Variants in CCDC40 observed in about 807,000 individuals in gnomAD.
The protein encoded by CCDC40 is coiled-coil domain 40 molecular ruler complex subunit.
A neutral mutation model predicts 124.5 loss-of-function variants in CCDC40; 104 were observed. The ratio of observed to expected loss-of-function variants is 0.84; its 90% CI spans 0.71 to 0.98. The LOEUF (loss-of-function observed/expected upper bound fraction) is 0.98. Ranked by LOEUF, CCDC40 falls within the 50% of genes least tolerant of loss-of-function variation. The pLI, the probability that CCDC40 is intolerant of heterozygous loss-of-function variation, is 0.00. For missense variants in CCDC40, 1,463 were observed against 1,503.9 expected (o/e 0.97, Z 0.45); for synonymous variants, 580 against 602.9 (o/e 0.96, Z 0.56).
chr17:80,090,726 G>A, intron 17 of CCDC40: 1 of 1,405,410 alleles, frequency 7.1e-7, no homozygotes, highest in Non-Finnish European at 9.2e-7. Flanking sequence ...TAATTAAATT[G>A]CAAGTGGTCA....
In CCDC40 at chr17:80,048,569, G is replaced by C; in HGVS notation, c.677-14G>C. 1 of 1,609,996 alleles carries C rather than the reference G, an allele frequency of 6.2e-7. No individual in the cohort carries two copies. Among genetic ancestry groups the C allele is most frequent in the Non-Finnish European group, 8.5e-7 (1 of 1,177,252 alleles). On this transcript the variant is annotated splice_polypyrimidine_tract_variant and intron_variant, in intron 4 of 19. Coordinates refer to ENST00000397545, the MANE Select transcript of CCDC40 (RefSeq NM_017950.4). ...CCAGCAGCTCCTCAATGGTGTCGCTGTCTCTCCCCCCAGTGATCCCCCCAG... is the reference window on the plus strand; with the variant it reads ...CCAGCAGCTCCTCAATGGTGTCGCTCTCTCTCCCCCCAGTGATCCCCCCAG...
intron 3 of CCDC40, among the ~76,000 whole-genome samples, chr17:80,044,745 A>G (rs975080610): frequency 6.7e-6 from 1 of 148,396 alleles, no homozygotes; most frequent in African/African-American, 2.6e-5. Flanking sequence ...ATATCTCAAC[A>G]ACAGCAAAAC....
intron 18 of CCDC40, among the ~76,000 whole-genome samples, chr17:80,095,889 AC>A (rs749453674): frequency 5.3e-5 from 8 of 152,218 alleles, no homozygotes; most frequent in Non-Finnish European, 1.2e-4. Flanking sequence ...CCGAGTGGGC[AC>A]CGGGGACCAG....
At chr17:80,082,611 G>A (rs536950087) in intron 12 of CCDC40, among the ~76,000 whole-genome samples, 1 of 152,198 alleles carries the variant, frequency 6.6e-6, no homozygotes, top group African/African-American at 2.4e-5. Flanking sequence ...TAGTCTCAGA[G>A]GAGGGTGACA....
intron 7 of CCDC40, among the ~76,000 whole-genome samples, chr17:80,050,750 A>G (rs1281919575): frequency 1.3e-5 from 2 of 152,132 alleles, no homozygotes; most frequent in African/African-American, 2.4e-5. Flanking sequence ...GGTTATAAAT[A>G]TGTTAAATGG....
intron 4 of CCDC40, 80 bp from the exon 5 acceptor site, chr17:80,048,484 ATGAGGCATGACAGCAGCTG>A: frequency 1.1e-6 from 1 of 945,914 alleles, no homozygotes; most frequent in Non-Finnish European, 1.7e-6. Context: ...ATCATGCTGC[ATGAGGCATGACAGCAGCTG>A]TGCCATTGAT....
chr17:80,057,854 C>T (rs949486001), intron 7 of CCDC40, among the ~76,000 whole-genome samples: 10 of 148,950 alleles, frequency 6.7e-5, no homozygotes, highest in Admixed American at 1.3e-4. Context: ...CCAGCCTGGG[C>T]GACAGAGCGA....
chr17:80,052,757 A>C (rs1269403489), intron 7 of CCDC40, among the ~76,000 whole-genome samples: 1 of 152,186 alleles, frequency 6.6e-6, no homozygotes, highest in Non-Finnish European at 1.5e-5. Flanking sequence ...AAGAGAACAA[A>C]GTGTTAGGAA....
chr17:80,090,262 CG>C, intron 17 of CCDC40: 2 of 799,084 alleles, frequency 2.5e-6, no homozygotes, highest in Non-Finnish European at 1.8e-6. Context: ...ACGGGACGCG[CG>C]CGGGCACGTG....
chr17:80,040,309 C>T (rs373817128), intron 3 of CCDC40, 39 bp downstream of exon 3: 47 of 1,581,632 alleles, frequency 3.0e-5, no homozygotes, highest in Middle Eastern at 4.1e-4. Context: ...CAGTGTCGCA[C>T]GGCCCACGGG....
chr17:80,047,199 A>C, intron 3 of CCDC40, 80 bp from the exon 4 acceptor site: 1 of 1,482,612 alleles, frequency 6.7e-7, no homozygotes. Context: ...CAACTTTCAC[A>C]AATGTAATGA....
chr17:80,097,048 A>G (rs2038822754), intron 18 of CCDC40, among the ~76,000 whole-genome samples, 197 bp from the exon 19 acceptor site: 1 of 152,166 alleles, frequency 6.6e-6, no homozygotes, highest in Non-Finnish European at 1.5e-5. Flanking sequence ...ACCTGCCTTA[A>G]AGGAGCAGTG....
chr17:80,054,693 G>A (rs373794594), intron 7 of CCDC40, among the ~76,000 whole-genome samples: 2 of 152,198 alleles, frequency 1.3e-5, no homozygotes, highest in African/African-American at 4.8e-5. Context: ...AAGAATGGAG[G>A]CCGGATGTGG....
At chr17:80,071,407 C>T (rs934665775) in intron 10 of CCDC40, among the ~76,000 whole-genome samples, 11 of 152,178 alleles carry the variant, frequency 7.2e-5, no homozygotes, top group African/African-American at 1.4e-4. Flanking sequence ...ACAAAAGCCA[C>T]GGGCAGTGTC....
chr17:80,037,686 A>ATAT (rs1555889042), intron 1 of CCDC40, among the ~76,000 whole-genome samples: 2 of 26,304 alleles, frequency 7.6e-5, no homozygotes, highest in East Asian at 3.4e-3. Context: ...AATTTTTTAA[A>ATAT]AAAGATATAC....
intron 7 of CCDC40, chr17:80,051,198 G>A (rs1256531061): frequency 7.2e-6 from 2 of 276,116 alleles, no homozygotes; most frequent in African/African-American, 4.6e-5. Flanking sequence ...CTTATAATGG[G>A]GAAATGACCT....
intron 19 of CCDC40, chr17:80,098,946 A>G (rs1457685898): frequency 7.0e-6 from 1 of 142,284 alleles, no homozygotes; most frequent in Non-Finnish European, 1.5e-5. Flanking sequence ...GTGCCATTGC[A>G]CTCCAGCCTA....
chr17:80,066,452 A>T lies in CCDC40; in HGVS notation c.1562+846A>T. The T allele has an allele frequency of 2.1e-6, 1 of 477,262 alleles. No individual in the cohort carries two copies. The highest frequency in any genetic ancestry group is 3.8e-6 in the Non-Finnish European group (1 of 264,656). 29.6% of individuals were successfully genotyped at this position (477,262 alleles called of 1,614,324 possible). On this transcript the variant is annotated intron_variant, in intron 10 of 19. Transcript: ENST00000397545. The surrounding 1 kb of genome is among the most constrained non-coding windows in gnomAD (Gnocchi z 4.4). ...ACCAAAACATTTTCAAATGAATAATATTGGATTAACCATACTCATTTCTGG... is the reference window on the plus strand; with the variant it reads ...ACCAAAACATTTTCAAATGAATAATTTTGGATTAACCATACTCATTTCTGG...
chr17:80,090,211 ACGAAGAACACGGGACGCGCGCAGGCACG>A, intron 17 of CCDC40: 6 of 760,584 alleles, frequency 7.9e-6, no homozygotes, highest in East Asian at 3.3e-5. Flanking sequence ...AGGCACGTGC[ACGAAGAACACGGGACGCGCGCAGGCACG>A]TGCACGAACA....
Sources: allele counts gnomAD v4.1 joint callset (sites outside exome capture counted in the v4.1 genomes callset), GRCh38; gene constraint gnomAD v4.1.1; non-coding constraint Gnocchi (gnomAD v3.1); transcripts MANE v1.5; gene names NCBI Gene and HGNC (gene_info 2026-07-23, HGNC 2026-07-21).